CRYBB2: variants seen among roughly 807,000 people sequenced by gnomAD.
CRYBB2 encodes crystallin beta B2.
CRYBB2 carries 12 observed loss-of-function variants against 24.3 expected under a neutral mutation model. The ratio of observed to expected loss-of-function variants is 0.49; its 90% CI spans 0.32 to 0.80. The LOEUF (loss-of-function observed/expected upper bound fraction) is 0.80, where lower values mean the gene tolerates loss of function less well. Among genes scored for constraint, CRYBB2 ranks in the 30% least tolerant of loss-of-function variants. CRYBB2 has a pLI of 0.04. For synonymous variants in CRYBB2, 98 were observed against 101.6 expected, an observed-to-expected ratio of 0.96 and a Z score of 0.21; for missense variants, 198 against 268.5, an observed-to-expected ratio of 0.74 and a Z score of 1.83.
At position 25,221,489 on chromosome 22, in the gene CRYBB2, T is replaced by C; in HGVS notation, c.54+6T>C. ...CACAGTCCCTCAACCCCAAGGTGGG[T>C]ACCTCTCAGAGGAGGGGGCATGCAA... On this transcript the variant is annotated splice_donor_region_variant and intron_variant, in intron 2 of 5. Coordinates refer to ENST00000398215, the MANE Select transcript of CRYBB2 (RefSeq NM_000496.3). 2 of 1,609,984 alleles carry C rather than the reference T, an allele frequency of 1.2e-6. No individual in the cohort carries two copies. The highest frequency in any genetic ancestry group is 8.5e-7 in the Non-Finnish European group (1 of 1,176,248).
At chr22:25,213,203 T>TTATCA (rs1935127567) in intron 1 of CRYBB2, 1 of 152,006 alleles carries the variant, frequency 6.6e-6, no homozygotes, top group African/African-American at 2.4e-5. Context: ...AAGAAGGGAG[T>TTATCA]GTTGTTTCTG....
chr22:25,218,732 GAGGGGAGAGAGAGAGAGAGA>G (rs1569015936), upstream of CRYBB2, among the ~76,000 whole-genome samples: 2 of 76,500 alleles, frequency 2.6e-5, no homozygotes, highest in Non-Finnish European at 5.0e-5. Flanking sequence ...GAGAGAGAGA[GAGGGGAGAGAGAGAGAGAGA>G]GAGAGAGAGA....
intron 1 of CRYBB2, chr22:25,213,500 A>G (rs1935131423): frequency 6.6e-6 from 1 of 152,154 alleles, no homozygotes; most frequent in African/African-American, 2.4e-5. Flanking sequence ...GCTTTTCTCT[A>G]CAGAGTCACT....
At chr22:25,217,021 G>A (rs964593843), upstream of CRYBB2, among the ~76,000 whole-genome samples, 4 of 152,030 alleles carry the variant, frequency 2.6e-5, no homozygotes, top group Admixed American at 2.0e-4. Context: ...CCATTCATCC[G>A]TTGATGGACA....
upstream of CRYBB2, among the ~76,000 whole-genome samples, chr22:25,218,423 A>G: frequency 6.6e-6 from 1 of 151,778 alleles, no homozygotes; most frequent in Non-Finnish European, 1.5e-5. Context: ...TTAGGAGGCC[A>G]AGGTGGATGG....
At chr22:25,215,707 G>A (rs2213881), upstream of CRYBB2, among the ~76,000 whole-genome samples, 91,544 of 151,938 alleles carry the variant, frequency 0.6, 28,172 homozygotes, top group East Asian at 0.92. Context: ...AGTTAAGAAC[G>A]TTTATCTTGA....
rs540339698 is a variant in CRYBB2, at chr22:25,225,129, A to G, written c.173+93A>G. The G allele has an allele frequency of 9.0e-4, 727 of 806,130 alleles. 3 individuals carry two copies. The highest frequency in any genetic ancestry group is 8.9e-4 in the Non-Finnish European group (395 of 444,528). The allele number at this position is 806,130 out of a possible 1,614,324, so 49.9% of individuals were successfully genotyped here. A position where few individuals can be genotyped will look rare whatever the true frequency, so the allele number is the denominator to read the frequency against. ...AATCTACCCTTGCTCCTGTCTGCAA[A>G]TCTGGGAACCAAGTTTTGGGGTCTG... On this transcript the variant is annotated intron_variant, in intron 3 of 5. Coordinates refer to ENST00000398215, the MANE Select transcript of CRYBB2 (RefSeq NM_000496.3).
chr22:25,229,023 C>CGT (rs200311848), intron 4 of CRYBB2, among the ~76,000 whole-genome samples: 24,528 of 145,734 alleles, frequency 0.17, 2,096 homozygotes, highest in African/African-American at 0.22. Context: ...TGGGTGTGCA[C>CGT]GTGTGTGCGT....
At chr22:25,218,159 T>G (rs1484192907), upstream of CRYBB2, among the ~76,000 whole-genome samples, 2 of 150,880 alleles carry the variant, frequency 1.3e-5, no homozygotes, top group Non-Finnish European at 1.5e-5. Flanking sequence ...CTAGGGAGGC[T>G]GAAGGAGGAG....
At chr22:25,213,289 A>G (rs1210913627) in intron 1 of CRYBB2, 1 of 152,106 alleles carries the variant, frequency 6.6e-6, no homozygotes, top group African/African-American at 2.4e-5. Flanking sequence ...AAAGTTAAAT[A>G]TTGTTTGTCC....
upstream of CRYBB2, among the ~76,000 whole-genome samples, chr22:25,218,761 G>A (rs865989183): frequency 2.0e-4 from 8 of 41,022 alleles, no homozygotes; most frequent in African/African-American, 3.1e-4. Flanking sequence ...GAGAGAGAGA[G>A]AGAGAGAGAG....
At chr22:25,218,690 AAGAG>A (rs752243949), upstream of CRYBB2, among the ~76,000 whole-genome samples, 25 of 78,638 alleles carry the variant, frequency 3.2e-4, 1 homozygote, top group East Asian at 3.8e-3. Context: ...GAAAGAAAGA[AAGAG>A]AGAGAGAGAG....
chr22:25,217,326 A>C (rs1935186370), upstream of CRYBB2, among the ~76,000 whole-genome samples: 1 of 150,986 alleles, frequency 6.6e-6, no homozygotes, highest in Non-Finnish European at 1.5e-5. Context: ...TTATTTATTT[A>C]TTTTCTTTGA....
upstream of CRYBB2, among the ~76,000 whole-genome samples, chr22:25,218,488 C>G (rs879827577): frequency 1.5e-4 from 23 of 151,284 alleles, 1 homozygote; most frequent in Non-Finnish European, 3.2e-4. Context: ...AAAACCCTGT[C>G]TCTAACAAGA....
chr22:25,224,039 G>T (rs1331762020), intron 2 of CRYBB2, among the ~76,000 whole-genome samples: 2 of 151,696 alleles, frequency 1.3e-5, no homozygotes, highest in Non-Finnish European at 2.9e-5. Context: ...CAGGAGAATG[G>T]CGTGAACCCA....
chr22:25,214,983 A>G (rs1935148635), upstream of CRYBB2, among the ~76,000 whole-genome samples: 1 of 152,246 alleles, frequency 6.6e-6, no homozygotes, highest in South Asian at 2.1e-4. Context: ...CTGCTTCCTC[A>G]ATGAGAATAA....
chr22:25,231,622 C>A lies in CRYBB2; in HGVS notation c.468C>A (p.Tyr156Ter). The change falls in exon 6 of 6, where the codon TAC becomes TAA. Residue 156 changes from tyrosine (Y) to a stop codon, truncating the protein, a stop_gained. Transcript: ENST00000398215. LOFTEE classifies it high-confidence loss of function. ...VQSGTWVGYQYPGYRGLQYLL... is the reference protein window; with the variant it reads ...VQSGTWVGYQ The stretch of plus-strand genomic sequence containing the variant: ...CCTGCAGGTGGGTTGGCTACCAGTA[C>A]CCCGGCTACCGTGGGCTGCAGTACC... The A allele has an allele frequency of 6.2e-7, 1 of 1,614,172 alleles. No homozygotes were observed. Among genetic ancestry groups the A allele is most frequent in the South Asian group, 1.1e-5 (1 of 91,082 alleles).
intron 2 of CRYBB2, among the ~76,000 whole-genome samples, chr22:25,222,667 T>A (rs1040205726): frequency 1.3e-5 from 2 of 152,070 alleles, no homozygotes; most frequent in Non-Finnish European, 1.5e-5. Context: ...ATGAACTGGG[T>A]GAGTTTGGAA....
intron 2 of CRYBB2, among the ~76,000 whole-genome samples, chr22:25,222,015 C>T (rs955069497): frequency 2.0e-5 from 3 of 152,234 alleles, no homozygotes; most frequent in East Asian, 1.9e-4. Flanking sequence ...CAAATAATGC[C>T]GCCTTTGATT....
Sources: gnomAD v4.1 joint callset for allele counts (sites outside exome capture counted in the v4.1 genomes callset) on GRCh38, gnomAD v4.1.1 for gene constraint, MANE v1.5 for transcripts, NCBI Gene and HGNC (gene_info 2026-07-23, HGNC 2026-07-21) for gene names.